The following MTHFD2L variants were observed in gnomAD, a reference collection of about 807,000 sequenced individuals.
MTHFD2L encodes methylenetetrahydrofolate dehydrogenase (NADP+ dependent) 2 like.
In MTHFD2L, 29 loss-of-function variants were observed where a neutral mutation model predicts 34.9. That is an observed-to-expected ratio of 0.83 (90% confidence interval 0.62 to 1.13). MTHFD2L has a LOEUF of 1.13. Among genes scored for constraint, MTHFD2L ranks in the 50% most tolerant of loss-of-function variants. The pLI is 0.00. For synonymous variants in MTHFD2L, 167 were observed against 155.7 expected (o/e 1.07, Z -0.54); for missense variants, 481 against 446.5 (o/e 1.08, Z -0.70).
chr4:74,175,351 A>C lies in MTHFD2L; in HGVS notation c.399A>C (p.Gln133His), dbSNP rs145275138. Reference protein sequence around the residue: ...SQEELLDVTDQLNMDPRVSGI... With the variant: ...SQEELLDVTDHLNMDPRVSGI... ...AAGAACTTTTGGACGTAACTGATCA[A>C]TTGAATATGGACCCAAGAGTCAGCG... is the stretch of plus-strand genomic sequence containing the variant. Residue 133 changes from glutamine to histidine, a missense_variant, in exon 3 of 8, where the codon CAA becomes CAC. By Grantham distance (24) the Gln-to-His change is conservative (BLOSUM62 0). Coordinates refer to ENST00000325278, the MANE Select transcript of MTHFD2L (RefSeq NM_001144978.3). 6.2e-7 allele frequency: 1 copy of C among 1,613,218 alleles called. No homozygotes were observed. The highest frequency in any genetic ancestry group is 8.5e-7 in the Non-Finnish European group (1 of 1,179,402).
At chr4:74,278,721 G>C (rs566961615) in intron 6 of MTHFD2L, among the ~76,000 whole-genome samples, 7 of 152,012 alleles carry the variant, frequency 4.6e-5, no homozygotes, top group Non-Finnish European at 7.4e-5. Flanking sequence ...CCATGACGTG[G>C]TTCCAAGAGA....
intron 6 of MTHFD2L, among the ~76,000 whole-genome samples, chr4:74,251,477 C>A (rs1421234793): frequency 1.3e-5 from 2 of 152,190 alleles, no homozygotes; most frequent in African/African-American, 4.8e-5. Context: ...ATCCCAAACT[C>A]TTTTTAGCTT....
At position 74,239,489 on chromosome 4, in the gene MTHFD2L, T is replaced by A. The variant is rs550567503; in HGVS notation, c.805+14095T>A. On this transcript the variant is annotated intron_variant, in intron 6 of 7. Transcript: ENST00000325278. ...GTACCCTAGAAGTTAAAGTATAATT[T>A]TAAAAAAAAAAAAGGCTTCTGGATC... 2.1e-3 allele frequency among the ~76,000 whole-genome samples: 311 copies of A among 147,884 alleles called. 3 individuals carry two copies. The highest frequency in any genetic ancestry group is 0.019 in the Admixed American group (290 of 14,902).
chr4:74,131,427 A>C (rs937884199), intron 1 of MTHFD2L, among the ~76,000 whole-genome samples: 7 of 152,070 alleles, frequency 4.6e-5, no homozygotes, highest in Admixed American at 1.3e-4. Flanking sequence ...CAGAAATAAC[A>C]CCACTCATCT....
upstream of MTHFD2L, among the ~76,000 whole-genome samples, chr4:74,119,176 G>T (rs1334144189): frequency 6.6e-6 from 1 of 152,154 alleles, no homozygotes; most frequent in Non-Finnish European, 1.5e-5. Flanking sequence ...GCATCTGGTT[G>T]CTGGCTTTAT....
chr4:74,246,495 T>G (rs187451229), intron 6 of MTHFD2L, among the ~76,000 whole-genome samples: 1 of 152,198 alleles, frequency 6.6e-6, no homozygotes, highest in Non-Finnish European at 1.5e-5. Flanking sequence ...AGATCCCATT[T>G]GTCAATTTTA....
At chr4:74,198,853 A>C (rs1228716724) in intron 3 of MTHFD2L, among the ~76,000 whole-genome samples, 1 of 115,700 alleles carries the variant, frequency 8.6e-6, no homozygotes, top group Non-Finnish European at 1.8e-5. Context: ...GGACTTTTGT[A>C]ATCTAATTAT....
At chr4:74,146,612 C>T in intron 1 of MTHFD2L, among the ~76,000 whole-genome samples, 1 of 152,176 alleles carries the variant, frequency 6.6e-6, no homozygotes, top group Non-Finnish European at 1.5e-5. Context: ...TCTTTTTATA[C>T]ACCTTGGGGT....
rs1428913808 is a variant in MTHFD2L at position 74,291,320 on chromosome 4, C to G, written c.931+9770C>G. Reference sequence around the variant, plus strand: ...ATGAGCCTTCGTGCCTGGCCCATTTCTTTTATATCTCTGTCCCACACCAAA... The same window carrying G: ...ATGAGCCTTCGTGCCTGGCCCATTTGTTTTATATCTCTGTCCCACACCAAA... On this transcript the variant is annotated intron_variant, in intron 7 of 7. Coordinates refer to ENST00000325278, the MANE Select transcript of MTHFD2L (RefSeq NM_001144978.3). 2.6e-5 allele frequency among the ~76,000 whole-genome samples: 4 copies of G among 151,834 alleles called. No homozygotes were observed. In the East Asian group the frequency reaches 7.7e-4, roughly 29 times the overall value.
chr4:74,261,813 CT>C (rs952470878), intron 6 of MTHFD2L, among the ~76,000 whole-genome samples: 1 of 151,952 alleles, frequency 6.6e-6, no homozygotes, highest in African/African-American at 2.4e-5. Flanking sequence ...AGCTTGCTAC[CT>C]AAGTTATAAG....
chr4:74,205,448 G>A (rs16850659), intron 5 of MTHFD2L, among the ~76,000 whole-genome samples: 3,891 of 152,200 alleles, frequency 0.026, 185 homozygotes, highest in African/African-American at 0.089. Context: ...CTAGTGATTC[G>A]TTTTTGTCTT....
At chr4:74,294,966 C>T (rs1749452536) in intron 7 of MTHFD2L, among the ~76,000 whole-genome samples, 1 of 152,058 alleles carries the variant, frequency 6.6e-6, no homozygotes, top group Non-Finnish European at 1.5e-5. Flanking sequence ...CATGAAAATG[C>T]AAGATGAATT....
intron 6 of MTHFD2L, among the ~76,000 whole-genome samples, chr4:74,265,564 A>G (rs1004654954): frequency 1.3e-5 from 2 of 152,180 alleles, no homozygotes; most frequent in Non-Finnish European, 1.5e-5. Context: ...TATTATCGCA[A>G]TTATACAGGG....
intron 5 of MTHFD2L, among the ~76,000 whole-genome samples, chr4:74,213,876 T>C (rs1390944851): frequency 6.6e-6 from 1 of 152,084 alleles, no homozygotes; most frequent in Non-Finnish European, 1.5e-5. Flanking sequence ...TTTCACATAG[T>C]CCCATATTTC....
rs578123144 is a variant in MTHFD2L, at chr4:74,180,319, A to T, written c.451+4916A>T. Reference sequence around the variant, plus strand: ...ATACAGCCTCTCCTATGTATATCTCATAAGACTGTTATAATGAACAAATTA... The same window carrying T: ...ATACAGCCTCTCCTATGTATATCTCTTAAGACTGTTATAATGAACAAATTA... On this transcript the variant is annotated intron_variant, in intron 3 of 7. Coordinates refer to ENST00000325278, the MANE Select transcript of MTHFD2L (RefSeq NM_001144978.3). Among the ~76,000 whole-genome samples, 4 of 152,250 alleles carry T rather than the reference A, an allele frequency of 2.6e-5. No homozygotes were observed. The South Asian group carries it at 6.2e-4, about 24-fold the overall frequency.
intron 1 of MTHFD2L, chr4:74,161,506 T>C (rs528567645): frequency 1.3e-5 from 2 of 152,384 alleles, no homozygotes; most frequent in East Asian, 3.9e-4. Flanking sequence ...GAAGTTCTTA[T>C]GTCATTTTAA....
intron 7 of MTHFD2L, among the ~76,000 whole-genome samples, chr4:74,287,978 G>A (rs1441771481): frequency 1.3e-5 from 2 of 152,180 alleles, no homozygotes; most frequent in Non-Finnish European, 2.9e-5. Context: ...TGATAAGGAT[G>A]TTTCTGCTGA....
intron 6 of MTHFD2L, among the ~76,000 whole-genome samples, chr4:74,259,986 G>C (rs1744481437): frequency 6.6e-6 from 1 of 152,162 alleles, no homozygotes; most frequent in South Asian, 2.1e-4. Flanking sequence ...GCCACCTAGA[G>C]GAGTATGATG....
chr4:74,216,526 G>C (rs1560497502), intron 5 of MTHFD2L, among the ~76,000 whole-genome samples: 1 of 151,762 alleles, frequency 6.6e-6, no homozygotes, highest in African/African-American at 2.4e-5. Flanking sequence ...CCCTCAGTGG[G>C]CCTTTGCAGC....
Sources: gnomAD v4.1 joint callset for allele counts (sites outside exome capture counted in the v4.1 genomes callset) on GRCh38, gnomAD v4.1.1 for gene constraint, MANE v1.5 for transcripts, NCBI Gene and HGNC (gene_info 2026-07-23, HGNC 2026-07-21) for gene names.